DHRS12: variants seen among roughly 807,000 people sequenced by gnomAD.
DHRS12 encodes dehydrogenase/reductase 12, also known as dehydrogenase/reductase SDR family member 12.
A neutral mutation model predicts 32.1 loss-of-function variants in DHRS12; 29 were observed. That is an observed-to-expected ratio of 0.90 (90% CI 0.67 to 1.23). DHRS12 has a LOEUF of 1.23. Ranked by LOEUF, DHRS12 falls within the 50% of genes most tolerant of loss-of-function variation. The probability of loss-of-function intolerance (pLI) is 0.00; values close to 1 mark genes in which losing one functional copy is unlikely to be tolerated. For synonymous variants in DHRS12, 150 were observed against 135.9 expected (o/e 1.10, Z -0.72); for missense variants, 330 against 337.2 (o/e 0.98, Z 0.17).
At chr13:51,766,596 G>C (rs1953757807), downstream of DHRS12, 1 of 152,226 alleles carries the variant, frequency 6.6e-6, no homozygotes, top group South Asian at 2.1e-4. Flanking sequence ...GTGGTAATGA[G>C]CAAGAATTTC....
At chr13:51,769,045 C>A in intron 8 of DHRS12, 111 bp downstream of exon 8, 3 of 1,502,516 alleles carry the variant, frequency 2.0e-6, no homozygotes, top group Non-Finnish European at 2.7e-6. Flanking sequence ...CCAGGCACCC[C>A]CCAGGGGACA....
downstream of DHRS12, chr13:51,765,929 A>C (rs1953732894): frequency 6.6e-6 from 1 of 152,222 alleles, no homozygotes; most frequent in African/African-American, 2.4e-5. Flanking sequence ...AGGTTGGCTG[A>C]AAAGTTAGAT....
chr13:51,788,703 T>TA lies in DHRS12; in HGVS notation c.301+1307dup, dbSNP rs1289352543. ...TCAACAACAACAAAAAATTTTTAAT[T>TA]AAAAAAAATTAGTCAGGCATGGTGG... is the stretch of plus-strand genomic sequence containing the variant. On this transcript the variant is annotated intron_variant, in intron 4 of 8. Coordinates refer to ENST00000444610, the MANE Select transcript of DHRS12 (RefSeq NM_001377533.1). Among the ~76,000 whole-genome samples, 4 of 151,504 alleles carry TA rather than the reference T, an allele frequency of 2.6e-5. No individual in the cohort carries two copies. In the South Asian group the frequency reaches 8.4e-4, roughly 32 times the overall value.
intron 1 of DHRS12, among the ~76,000 whole-genome samples, chr13:51,801,461 T>A (rs1955751305): frequency 1.3e-5 from 2 of 152,226 alleles, no homozygotes; most frequent in Admixed American, 1.3e-4. Context: ...ATGCTGGGAT[T>A]ACAGGCATAA....
chr13:51,771,262 G>C (rs369787711), intron 7 of DHRS12: 2 of 1,552,598 alleles, frequency 1.3e-6, no homozygotes, highest in Non-Finnish European at 1.7e-6. Context: ...TTGTAGAGGA[G>C]GAAAGAGCTG....
chr13:51,791,990 A>C (rs1411546170), intron 2 of DHRS12, among the ~76,000 whole-genome samples: 2 of 152,200 alleles, frequency 1.3e-5, no homozygotes, highest in Non-Finnish European at 2.9e-5. Flanking sequence ...TTCTTTGTCC[A>C]TTCTTCTGTC....
chr13:51,797,398 G>C (rs1239078685), intron 2 of DHRS12, among the ~76,000 whole-genome samples: 1 of 152,200 alleles, frequency 6.6e-6, no homozygotes, highest in Non-Finnish European at 1.5e-5. Flanking sequence ...GAAGGCTCGT[G>C]TCAGAAAGTA....
chr13:51,772,039 G>C lies in DHRS12; in HGVS notation c.469-128C>G, dbSNP rs1593507117. 7.0e-5 allele frequency: 58 copies of C among 825,220 alleles called. No individual in the cohort carries two copies. The East Asian group carries it at 1.4e-3, about 20-fold the overall frequency. 51.1% of individuals were successfully genotyped at this position (825,220 alleles called of 1,614,324 possible). A position where few individuals can be genotyped will look rare whatever the true frequency, so the allele number is the denominator to read the frequency against. ...TCTGCAGTATGTACGGCCACTTGAT[G>C]TCACCCTCCTCCAAAATCAGTCTTT... is the stretch of plus-strand genomic sequence containing the variant. On this transcript the variant is annotated intron_variant, in intron 6 of 8. Coordinates refer to ENST00000444610, the MANE Select transcript of DHRS12 (RefSeq NM_001377533.1).
At chr13:51,780,167 A>C (rs1954634954) in intron 4 of DHRS12, among the ~76,000 whole-genome samples, 1 of 151,308 alleles carries the variant, frequency 6.6e-6, no homozygotes, top group Non-Finnish European at 1.5e-5. Flanking sequence ...AGAGAGTGAG[A>C]TTCCATCTCA....
At chr13:51,786,558 G>A (rs757947014) in intron 4 of DHRS12, among the ~76,000 whole-genome samples, 16 of 152,294 alleles carry the variant, frequency 1.1e-4, no homozygotes, top group South Asian at 2.1e-4. Context: ...AGGGCAGCTC[G>A]CTTTTGTCCC....
chr13:51,784,500 T>C (rs768037864), intron 4 of DHRS12, among the ~76,000 whole-genome samples: 1 of 151,834 alleles, frequency 6.6e-6, no homozygotes, highest in Non-Finnish European at 1.5e-5. Context: ...GGACAGGAGG[T>C]GGGGTCTGTA....
Position 51,769,223 on chromosome 13 carries a change from C to T in DHRS12, c.630G>A (p.Ala210=), listed in dbSNP as rs764555053. The T allele has an allele frequency of 3.2e-6, 5 of 1,581,826 alleles. No individual in the cohort carries two copies. Among genetic ancestry groups the T allele is most frequent in the South Asian group, 2.3e-5 (2 of 86,476 alleles). Residue 210 remains alanine, a synonymous_variant, in exon 8 of 9, where the codon GCG becomes GCA. Transcript: ENST00000444610. ...AGAGGGCCAGCCACAGCATGGTGTC[C>T]GCGCCCTGGGCCTCGGAGCGCAGGC... ...GDRLRSEAQG[A]DTMLWLALSS...
At chr13:51,777,932 C>T (rs1169601017) in intron 4 of DHRS12, among the ~76,000 whole-genome samples, 3 of 152,220 alleles carry the variant, frequency 2.0e-5, no homozygotes, top group Non-Finnish European at 4.4e-5. Flanking sequence ...CCCCTTACCC[C>T]AAAGTGAGGC....
chr13:51,771,888 C>T lies in DHRS12; in HGVS notation c.492G>A (p.Glu164=), dbSNP rs1462389832. 1.2e-6 allele frequency: 2 copies of T among 1,614,136 alleles called. No homozygotes were observed. Among genetic ancestry groups the T allele is most frequent in the Non-Finnish European group, 8.5e-7 (1 of 1,180,016 alleles). The change falls in exon 7 of 9, where the codon GAG becomes GAA. Residue 164 remains glutamate, a synonymous_variant. Coordinates refer to ENST00000444610, the MANE Select transcript of DHRS12 (RefSeq NM_001377533.1). ...TGGCCGGGTGCCCTTGGGCCCACCG[C>T]TCCGTCAGAACCACTTGCTGCCTCT... ...QNKRQQVVLT[E]RWAQGHPAIH...
At chr13:51,755,497 T>C in the DHRS12 span, 23 of 1,582,336 alleles carry the variant, frequency 1.5e-5, no homozygotes, top group Non-Finnish European at 1.8e-5. Flanking sequence ...TGTAATTATA[T>C]GGAAATAGCT....
chr13:51,759,876 C>A, the DHRS12 span: 1 of 1,273,316 alleles, frequency 7.9e-7, no homozygotes, highest in Non-Finnish European at 1.1e-6. Context: ...AAGAAAGAAA[C>A]TAAAGACCCT....
intron 2 of DHRS12, among the ~76,000 whole-genome samples, chr13:51,794,802 T>C (rs1263083181): frequency 6.6e-6 from 1 of 152,110 alleles, no homozygotes; most frequent in Non-Finnish European, 1.5e-5. Flanking sequence ...GTTTTTTTTT[T>C]TTTTAATGTT....
intron 4 of DHRS12, among the ~76,000 whole-genome samples, chr13:51,783,679 G>A (rs188372890): frequency 1.3e-3 from 202 of 152,076 alleles, no homozygotes; most frequent in South Asian, 1.9e-3. Flanking sequence ...CCCTAATCCC[G>A]CCCCTGCAGC....
chr13:51,764,598 A>G (rs2138824471), downstream of DHRS12: 1 of 152,444 alleles, frequency 6.6e-6, no homozygotes, highest in Middle Eastern at 3.4e-3. Flanking sequence ...CTGGCCTCAG[A>G]GGAAAGCAGC....
Sources: gnomAD v4.1 joint callset for allele counts (sites outside exome capture counted in the v4.1 genomes callset) on GRCh38, gnomAD v4.1.1 for gene constraint, MANE v1.5 for transcripts, NCBI Gene and HGNC (gene_info 2026-07-23, HGNC 2026-07-21) for gene names.